Variants in ZNF69 observed in about 807,000 individuals in gnomAD.
The protein encoded by ZNF69 is zinc finger protein 69, also known as ZNF3.
In ZNF69, 47 loss-of-function variants were observed where a neutral mutation model predicts 50.9. The ratio of observed to expected loss-of-function variants is 0.92; its 90% CI spans 0.73 to 1.18. ZNF69 has a LOEUF of 1.18. Ranked by LOEUF, ZNF69 falls within the 50% of genes most tolerant of loss-of-function variation. ZNF69 has a pLI of 0.00. For synonymous variants in ZNF69, 216 were observed against 223.1 expected (o/e 0.97, Z 0.29); for missense variants, 717 against 675.1 (o/e 1.06, Z -0.69).
exon 5 of ZNF69, chr19:11,913,770 T>C: frequency 6.0e-6 from 1 of 167,748 alleles, no homozygotes; most frequent in Non-Finnish European, 1.3e-5. Context: ...AAGCCAGCAG[T>C]ACCATACCTG....
At chr19:11,921,915 A>G in the ZNF69 span, among the ~76,000 whole-genome samples, 1 of 152,248 alleles carries the variant, frequency 6.6e-6, no homozygotes, top group Non-Finnish European at 1.5e-5. Flanking sequence ...TTTAAAAATA[A>G]TAAGTACTGA....
the ZNF69 span, among the ~76,000 whole-genome samples, chr19:11,954,418 A>G: frequency 3.9e-5 from 6 of 152,176 alleles, no homozygotes; most frequent in Non-Finnish European, 8.8e-5. Context: ...GGATTATGCT[A>G]TGTTGCTTGG....
intron 1 of ZNF69, among the ~76,000 whole-genome samples, chr19:11,897,101 T>C (rs1193790941): frequency 6.6e-6 from 1 of 152,128 alleles, no homozygotes; most frequent in Non-Finnish European, 1.5e-5. Flanking sequence ...GTAATCCCAA[T>C]ATTTGGGAGG....
At chr19:11,891,353 G>A (rs907411735) in intron 1 of ZNF69, among the ~76,000 whole-genome samples, 9 of 145,144 alleles carry the variant, frequency 6.2e-5, no homozygotes, top group Admixed American at 4.2e-4. Flanking sequence ...GCTGGCCAAT[G>A]CAGTGAGAGC....
chr19:11,953,457 G>A, the ZNF69 span: 1 of 152,250 alleles, frequency 6.6e-6, no homozygotes. Flanking sequence ...GTTGGTTCCT[G>A]TTGGAGTCCT....
At chr19:11,889,521 A>G (rs1354783021) in intron 1 of ZNF69, among the ~76,000 whole-genome samples, 2 of 152,124 alleles carry the variant, frequency 1.3e-5, no homozygotes, top group African/African-American at 2.4e-5. Context: ...GCTGGAGTGC[A>G]ATGGCTCAAT....
chr19:11,915,266 T>C (rs1361489639), downstream of ZNF69, among the ~76,000 whole-genome samples: 1 of 152,188 alleles, frequency 6.6e-6, no homozygotes, highest in Non-Finnish European at 1.5e-5. Flanking sequence ...TCCTTCTCCC[T>C]TGAAGGCCAA....
At chr19:11,941,228 C>G in the ZNF69 span, among the ~76,000 whole-genome samples, 10 of 152,278 alleles carry the variant, frequency 6.6e-5, no homozygotes, top group African/African-American at 2.2e-4. Context: ...GCCCAGATGG[C>G]TTCACCCAGT....
the ZNF69 span, among the ~76,000 whole-genome samples, chr19:11,962,952 A>G: frequency 6.6e-6 from 1 of 152,098 alleles, no homozygotes; most frequent in Non-Finnish European, 1.5e-5. Context: ...CTGCCTGGTA[A>G]ATCCTCAGTA....
the ZNF69 span, among the ~76,000 whole-genome samples, chr19:11,940,304 A>G: frequency 6.6e-6 from 1 of 152,210 alleles, no homozygotes; most frequent in Admixed American, 6.5e-5. Flanking sequence ...GGTGTCACTG[A>G]CTTCAAAAAT....
At chr19:11,910,170 G>A (rs1440826402), downstream of ZNF69, among the ~76,000 whole-genome samples, 4 of 152,156 alleles carry the variant, frequency 2.6e-5, no homozygotes, top group Non-Finnish European at 2.9e-5. Context: ...CGAAATCAAA[G>A]AGGACACAAA....
intron 1 of ZNF69, among the ~76,000 whole-genome samples, chr19:11,902,984 T>A (rs1205195261): frequency 1.3e-5 from 2 of 152,192 alleles, no homozygotes. Context: ...AATTGCTTTA[T>A]GAACTAGCCA....
the ZNF69 span, among the ~76,000 whole-genome samples, chr19:11,968,269 T>G: frequency 7.5e-4 from 114 of 152,212 alleles, no homozygotes; most frequent in African/African-American, 2.5e-3. Flanking sequence ...TTTTTTTTTC[T>G]TTGAGACAAT....
chr19:11,921,781 G>A, the ZNF69 span, among the ~76,000 whole-genome samples: 1 of 152,106 alleles, frequency 6.6e-6, no homozygotes, highest in East Asian at 1.9e-4. Context: ...GGGATTACAG[G>A]CATGAGCCAC....
the ZNF69 span, chr19:11,979,758 G>A: frequency 1.1e-5 from 17 of 1,578,232 alleles, no homozygotes; most frequent in South Asian, 8.8e-5. Flanking sequence ...CCACACCTTC[G>A]AATCCATGGT....
the ZNF69 span, among the ~76,000 whole-genome samples, chr19:11,919,439 G>A: frequency 6.6e-5 from 10 of 152,000 alleles, no homozygotes; most frequent in South Asian, 2.1e-4. Context: ...ACCCCTTGGC[G>A]TGTCTTGTAT....
the ZNF69 span, among the ~76,000 whole-genome samples, chr19:11,938,354 A>C: frequency 2.0e-5 from 3 of 152,100 alleles, no homozygotes; most frequent in African/African-American, 7.2e-5. Context: ...TATTTACATT[A>C]GGTATATCTC....
chr19:11,904,097 A>G (rs914922664), intron 3 of ZNF69, 132 bp downstream of exon 3: 5 of 1,208,338 alleles, frequency 4.1e-6, no homozygotes, highest in African/African-American at 3.1e-5. Flanking sequence ...ATCAAAAAAC[A>G]TATATATAAA....
At chr19:11,950,218 TA>T in the ZNF69 span, 2 of 1,612,692 alleles carry the variant, frequency 1.2e-6, no homozygotes, top group Non-Finnish European at 1.7e-6. Context: ...AGAGAAGCCA[TA>T]TGAATGTAAG....
Sources: allele counts gnomAD v4.1 joint callset (sites outside exome capture counted in the v4.1 genomes callset), GRCh38; gene constraint gnomAD v4.1.1; transcripts MANE v1.5; gene names NCBI Gene and HGNC (gene_info 2026-07-23, HGNC 2026-07-21).